UNC13C: variants seen among roughly 807,000 people sequenced by gnomAD.
The protein encoded by UNC13C is protein unc-13 homolog C.
UNC13C carries 174 observed loss-of-function variants against 245.4 expected under a neutral mutation model. The ratio of observed to expected loss-of-function variants is 0.71; its 90% CI spans 0.63 to 0.80. The LOEUF is 0.80. UNC13C is among the 30% of genes least tolerant of loss of function. The pLI is 0.00. For synonymous variants in UNC13C, 992 were observed against 895.1 expected, an observed-to-expected ratio of 1.11 and a Z score of -1.93; for missense variants, 2,829 against 2,602.9, an observed-to-expected ratio of 1.09 and a Z score of -1.89.
chr15:54,228,781 A>G (rs2035466836), intron 4 of UNC13C, among the ~76,000 whole-genome samples: 1 of 152,130 alleles, frequency 6.6e-6, no homozygotes, highest in Non-Finnish European at 1.5e-5. Context: ...AAGAAAAGGG[A>G]AAGTGTCTAT....
intron 30 of UNC13C, among the ~76,000 whole-genome samples, chr15:54,569,630 T>C (rs923166774): frequency 2.6e-5 from 4 of 152,026 alleles, no homozygotes; most frequent in African/African-American, 9.7e-5. Context: ...AACTATGGTA[T>C]ATGGAATTTG....
intron 1 of UNC13C, among the ~76,000 whole-genome samples, chr15:53,984,352 T>A (rs1894042670): frequency 6.6e-6 from 1 of 152,134 alleles, no homozygotes; most frequent in Admixed American, 6.6e-5. Flanking sequence ...ATGATTTGTC[T>A]GGTTGATTTA....
intron 2 of UNC13C, among the ~76,000 whole-genome samples, chr15:54,094,863 C>T (rs557753850): frequency 6.6e-6 from 1 of 152,302 alleles, no homozygotes; most frequent in African/African-American, 2.4e-5. Flanking sequence ...CAGGGGGTCT[C>T]TCACACCTGT....
chr15:54,332,385 A>C (rs926684508), intron 15 of UNC13C, among the ~76,000 whole-genome samples: 1 of 151,188 alleles, frequency 6.6e-6, no homozygotes, highest in Non-Finnish European at 1.5e-5. Flanking sequence ...TAAAATAGCC[A>C]TCAGATTCAA....
At chr15:54,196,401 CA>C (rs1183582547) in intron 4 of UNC13C, among the ~76,000 whole-genome samples, 1 of 151,448 alleles carries the variant, frequency 6.6e-6, no homozygotes, top group Non-Finnish European at 1.5e-5. Context: ...GAGATCCCTG[CA>C]AAAAGTGGGA....
chr15:54,524,381 G>A (rs1895355713), intron 24 of UNC13C, among the ~76,000 whole-genome samples: 1 of 152,178 alleles, frequency 6.6e-6, no homozygotes, highest in Admixed American at 6.5e-5. Flanking sequence ...CTGATAGAGG[G>A]CAGAAGCTAA....
chr15:54,466,191 T>G (rs953326180), intron 19 of UNC13C, among the ~76,000 whole-genome samples: 3 of 151,728 alleles, frequency 2.0e-5, no homozygotes, highest in Non-Finnish European at 1.5e-5. Context: ...GTTGCAAAGG[T>G]GGGGAAAGAG....
chr15:54,400,388 C>T (rs893311749), intron 18 of UNC13C, among the ~76,000 whole-genome samples: 9 of 151,844 alleles, frequency 5.9e-5, no homozygotes, highest in South Asian at 2.1e-4. Flanking sequence ...TTATTTATAC[C>T]GTTGACTTCT....
chr15:54,420,956 A>G (rs2040628524), intron 19 of UNC13C, among the ~76,000 whole-genome samples: 1 of 152,048 alleles, frequency 6.6e-6, no homozygotes, highest in Non-Finnish European at 1.5e-5. Flanking sequence ...TTCAACACTG[A>G]TTATACATTA....
chr15:54,557,744 CAAA>C (rs1897147993), intron 29 of UNC13C, among the ~76,000 whole-genome samples: 1 of 151,810 alleles, frequency 6.6e-6, no homozygotes, highest in Admixed American at 6.6e-5. Flanking sequence ...AATGAGAAAA[CAAA>C]GAAGGAAAAT....
chr15:54,292,694 A>T (rs6493672), intron 10 of UNC13C, among the ~76,000 whole-genome samples: 12,631 of 151,726 alleles, frequency 0.083, 1,181 homozygotes, highest in East Asian at 0.21. Flanking sequence ...ATTATATTGA[A>T]ACACAGTTTT....
chr15:54,575,395 T>A (rs1399727288), intron 30 of UNC13C, among the ~76,000 whole-genome samples: 1 of 152,198 alleles, frequency 6.6e-6, no homozygotes, highest in East Asian at 1.9e-4. Flanking sequence ...TTATTTGGGA[T>A]CATACCACCT....
chr15:54,590,725 A>T (rs982932193), intron 30 of UNC13C, among the ~76,000 whole-genome samples: 1 of 152,208 alleles, frequency 6.6e-6, no homozygotes. Context: ...GTAGACGATC[A>T]TATCATCAGC....
the UNC13C span, among the ~76,000 whole-genome samples, chr15:53,858,494 C>T: frequency 6.6e-6 from 1 of 151,372 alleles, no homozygotes; most frequent in African/African-American, 2.4e-5. Context: ...GATCTTGGCT[C>T]ATTGCAACCT....
chr15:54,247,177 T>C (rs74013537), intron 7 of UNC13C, among the ~76,000 whole-genome samples: 3,855 of 152,288 alleles, frequency 0.025, 159 homozygotes, highest in African/African-American at 0.088. Flanking sequence ...TTTCATCCCT[T>C]CAATCTGATT....
At chr15:53,906,133 A>G in the UNC13C span, among the ~76,000 whole-genome samples, 1 of 152,082 alleles carries the variant, frequency 6.6e-6, no homozygotes, top group African/African-American at 2.4e-5. Flanking sequence ...CTGGAGTTCA[A>G]GACAAGCCTG....
chr15:54,013,376 G>T lies in UNC13C; in HGVS notation c.473G>T (p.Ser158Ile), dbSNP rs1273500515. The T allele has an allele frequency of 1.2e-6, 2 of 1,613,838 alleles. No individual in the cohort carries two copies. Among genetic ancestry groups the T allele is most frequent in the South Asian group, 1.1e-5 (1 of 91,078 alleles). The change falls in exon 2 of 33, where the codon AGC (serine) becomes ATC (isoleucine). Residue 158 changes from serine to isoleucine, a missense_variant. Ser to Ile is a moderately radical substitution (Grantham distance 142). Coordinates refer to ENST00000260323, the MANE Select transcript of UNC13C (RefSeq NM_001080534.3). ...MPVRRNRKSS[S>I]SLAPSEGSSD... ...GTTAGACGCAACAGAAAGAGTTCAA[G>T]CAGCCTTGCACCCTCTGAGGGCAGC...
In UNC13C at chr15:54,013,411, G is replaced by T; in HGVS notation, c.508G>T (p.Glu170Ter). ...ACCCTCTGAGGGCAGCTCTGACGGG[G>T]AGCGTACTCTACATGGCTTAAAACT... ...LAPSEGSSDG[E>*]RTLHGLKLGA... is the part of the protein sequence containing the mutation. Residue 170 changes from glutamate to a stop codon, truncating the protein, a stop_gained, in exon 2 of 33, where the codon GAG becomes TAG. Coordinates refer to ENST00000260323, the MANE Select transcript of UNC13C (RefSeq NM_001080534.3). LOFTEE classifies it high-confidence loss of function. The T allele has an allele frequency of 6.2e-7, 1 of 1,613,834 alleles. No individual in the cohort carries two copies. The highest frequency in any genetic ancestry group is 8.5e-7 in the Non-Finnish European group (1 of 1,179,852).
chr15:54,291,529 G>C (rs143743606), intron 10 of UNC13C, among the ~76,000 whole-genome samples: 1 of 151,848 alleles, frequency 6.6e-6, no homozygotes, highest in African/African-American at 2.4e-5. Context: ...ATTAAACATA[G>C]GCTCTAACTT....
Sources: gnomAD v4.1 joint callset for allele counts (sites outside exome capture counted in the v4.1 genomes callset) on GRCh38, gnomAD v4.1.1 for gene constraint, MANE v1.5 for transcripts, NCBI Gene and HGNC (gene_info 2026-07-23, HGNC 2026-07-21) for gene names.